Variants in KCNN2 observed in about 807,000 individuals in gnomAD.
The protein encoded by KCNN2 is potassium calcium-activated channel subfamily N member 2.
KCNN2 carries 24 observed loss-of-function variants against 55.5 expected under a neutral mutation model. The observed-to-expected ratio is 0.43, with a 90% CI of 0.31 to 0.61. The LOEUF is 0.61. Ranked by LOEUF, KCNN2 falls within the 20% of genes least tolerant of loss-of-function variation. KCNN2 has a pLI of 0.08. For synonymous variants in KCNN2, 431 were observed against 336.1 expected (o/e 1.28, Z -3.09); for missense variants, 754 against 853.6 (o/e 0.88, Z 1.45).
At chr5:114,235,391 G>A (rs915938264) in intron 2 of KCNN2, among the ~76,000 whole-genome samples, 15 of 152,076 alleles carry the variant, frequency 9.9e-5, no homozygotes, top group East Asian at 7.7e-4. Context: ...GAACTTTAGC[G>A]TTAAAAATGA....
intron 5 of KCNN2, among the ~76,000 whole-genome samples, chr5:114,480,304 G>T (rs116441190): frequency 1.3e-5 from 2 of 151,934 alleles, no homozygotes; most frequent in Non-Finnish European, 2.9e-5. Flanking sequence ...TCCTACGACC[G>T]AACCAAGAAG....
At chr5:114,464,589 G>A (rs1761354415) in intron 4 of KCNN2, among the ~76,000 whole-genome samples, 2 of 152,276 alleles carry the variant, frequency 1.3e-5, no homozygotes, top group South Asian at 4.1e-4. Flanking sequence ...AGGAGAGCGT[G>A]CCCTTGGCAT....
intron 2 of KCNN2, among the ~76,000 whole-genome samples, chr5:114,294,373 A>G (rs1467003176): frequency 6.6e-6 from 1 of 152,000 alleles, no homozygotes; most frequent in Admixed American, 6.6e-5. Flanking sequence ...AATGTGTCCC[A>G]GAGATTCTGG....
At chr5:114,291,542 G>C (rs1002444629) in intron 2 of KCNN2, among the ~76,000 whole-genome samples, 4 of 151,720 alleles carry the variant, frequency 2.6e-5, no homozygotes, top group African/African-American at 9.8e-5. Flanking sequence ...TGGCTGCATA[G>C]TATGCCATGG....
chr5:114,192,161 A>G (rs1753462854), intron 1 of KCNN2, among the ~76,000 whole-genome samples: 1 of 152,178 alleles, frequency 6.6e-6, no homozygotes, highest in Non-Finnish European at 1.5e-5. Context: ...TGAGGCTTCC[A>G]TTTTTGACAA....
In KCNN2 at chr5:114,435,726, A is replaced by G. The variant is rs374003732; in HGVS notation, c.1638-27323A>G. Among the ~76,000 whole-genome samples the G allele has an allele frequency of 1.1e-3, 164 of 152,280 alleles. 3 individuals are homozygous for G. In the South Asian group the frequency reaches 0.033, roughly 31 times the overall value. On this transcript the variant is annotated intron_variant, in intron 3 of 7. Coordinates refer to ENST00000673685, the MANE Select transcript of KCNN2 (RefSeq NM_021614.4). ...CATTTTACATTCTTTTCATTTAAGC[A>G]TTCTACATCATGAGTAAATGTGAAA...
rs919950677 is a variant in KCNN2 at position 114,268,933 on chromosome 5, G to C, written c.-185+47368G>C. ...TATGCCTCAGGTCTCCCAGCCATCT[G>C]TCTCGGGGGTGGGGGGGTTCTCTGA... On this transcript the variant is annotated intron_variant, in intron 2 of 10. Transcript: ENST00000512097. 1.8e-4 allele frequency among the ~76,000 whole-genome samples: 27 copies of C among 151,946 alleles called. 1 individual carries two copies. Among genetic ancestry groups the C allele is most frequent in the Non-Finnish European group, 3.7e-4 (25 of 68,020 alleles).
chr5:114,164,294 G>A (rs1470917905), intron 1 of KCNN2, among the ~76,000 whole-genome samples: 1 of 152,134 alleles, frequency 6.6e-6, no homozygotes, highest in Non-Finnish European at 1.5e-5. Context: ...GTACCAGGGA[G>A]TGTTAAGAGA....
intron 5 of KCNN2, among the ~76,000 whole-genome samples, chr5:114,476,971 A>G (rs1043461288): frequency 1.0e-4 from 7 of 68,150 alleles, no homozygotes; most frequent in African/African-American, 2.3e-4. Flanking sequence ...ATGGACTCAT[A>G]TAAATGAGTA....
chr5:114,189,223 C>T (rs765013899), intron 1 of KCNN2, among the ~76,000 whole-genome samples: 5 of 150,858 alleles, frequency 3.3e-5, no homozygotes, highest in Non-Finnish European at 7.4e-5. Flanking sequence ...CTGAGAAGTC[C>T]CAGGATCTGC....
chr5:114,294,103 C>T (rs901128613), intron 2 of KCNN2, among the ~76,000 whole-genome samples: 1 of 151,988 alleles, frequency 6.6e-6, no homozygotes, highest in Non-Finnish European at 1.5e-5. Flanking sequence ...ATTAGTCTTG[C>T]TAGCGGTCTA....
At chr5:114,441,339 T>C (rs1166122561) in intron 3 of KCNN2, among the ~76,000 whole-genome samples, 2 of 152,186 alleles carry the variant, frequency 1.3e-5, no homozygotes, top group Non-Finnish European at 2.9e-5. Flanking sequence ...CTAGCATACA[T>C]ATATTAAACC....
Position 114,496,130 on chromosome 5 carries a change from G to A in KCNN2, c.2324G>A (p.Arg775Lys). ...YNAERSRSSSRRRRSSSTAPP... is the reference protein window; with the variant it reads ...YNAERSRSSSKRRRSSSTAPP... ...GCTGAGCGGTCCCGGTCCTCGTCCAGGAGGCGGCGGTCCTCTTCCACAGCA... is the reference window on the plus strand; with the variant it reads ...GCTGAGCGGTCCCGGTCCTCGTCCAAGAGGCGGCGGTCCTCTTCCACAGCA... The change falls in exon 8 of 8, where the codon AGG becomes AAG. Residue 775 changes from arginine (R) to lysine (K), a missense_variant. Physicochemically the swap from Arg to Lys is conservative, Grantham distance 26. Transcript: ENST00000673685. The A allele has an allele frequency of 6.2e-7, 1 of 1,614,016 alleles. No homozygotes were observed. Among genetic ancestry groups the A allele is most frequent in the Non-Finnish European group, 8.5e-7 (1 of 1,179,970 alleles).
chr5:114,067,637 G>A (rs1009812377), intron 1 of KCNN2, among the ~76,000 whole-genome samples: 4 of 152,080 alleles, frequency 2.6e-5, no homozygotes, highest in Non-Finnish European at 4.4e-5. Context: ...AGAAAATTTG[G>A]AAGGAATGGA....
intron 5 of KCNN2, among the ~76,000 whole-genome samples, chr5:114,480,363 G>T (rs1051780105): frequency 6.6e-6 from 1 of 152,002 alleles, no homozygotes; most frequent in South Asian, 2.1e-4. Context: ...ATTGAGGCAG[G>T]AATAAATTGC....
intron 2 of KCNN2, among the ~76,000 whole-genome samples, chr5:114,303,128 C>G (rs1756201114): frequency 6.6e-6 from 1 of 152,194 alleles, no homozygotes; most frequent in African/African-American, 2.4e-5. Flanking sequence ...CTTCTGAAAG[C>G]AGGGATAAAT....
intron 2 of KCNN2, among the ~76,000 whole-genome samples, chr5:114,317,503 C>A (rs1190319465): frequency 6.6e-6 from 1 of 152,166 alleles, no homozygotes; most frequent in East Asian, 1.9e-4. Flanking sequence ...CTTTCTTAGA[C>A]TATACTTGTT....
chr5:114,419,224 C>G (rs1759399184), intron 3 of KCNN2, among the ~76,000 whole-genome samples: 1 of 152,234 alleles, frequency 6.6e-6, no homozygotes, highest in Non-Finnish European at 1.5e-5. Flanking sequence ...TCTGGCCCAC[C>G]ACTTGTTTTT....
chr5:114,243,915 T>C (rs1754695713), intron 2 of KCNN2, among the ~76,000 whole-genome samples: 1 of 152,202 alleles, frequency 6.6e-6, no homozygotes. Context: ...GAAAACATTC[T>C]TAAACCCTGT....
Sources: allele counts gnomAD v4.1 joint callset (sites outside exome capture counted in the v4.1 genomes callset), GRCh38; gene constraint gnomAD v4.1.1; transcripts MANE v1.5; gene names NCBI Gene and HGNC (gene_info 2026-07-23, HGNC 2026-07-21).